ZNF33A: variants seen among roughly 807,000 people sequenced by gnomAD.
ZNF33A encodes the protein brain my041 protein.
ZNF33A carries 9 observed loss-of-function variants against 15.9 expected under a neutral mutation model. The ratio of observed to expected loss-of-function variants is 0.57; its 90% CI spans 0.34 to 0.99. The LOEUF is 0.99. ZNF33A is among the 50% of genes least tolerant of loss of function. The pLI is 0.02. For synonymous variants in ZNF33A, 294 were observed against 324.2 expected, an observed-to-expected ratio of 0.91 and a Z score of 1.00; for missense variants, 843 against 941.6, an observed-to-expected ratio of 0.90 and a Z score of 1.37.
At chr10:38,041,491 T>C (rs1361512750) in intron 4 of ZNF33A, among the ~76,000 whole-genome samples, 4 of 152,056 alleles carry the variant, frequency 2.6e-5, no homozygotes, top group Non-Finnish European at 5.9e-5. Flanking sequence ...ACAGAAACAT[T>C]ACTTATATGT....
chr10:38,030,916 C>G (rs1291244461), intron 4 of ZNF33A, among the ~76,000 whole-genome samples: 2 of 152,136 alleles, frequency 1.3e-5, no homozygotes, highest in Non-Finnish European at 2.9e-5. Flanking sequence ...ATTTGGATAA[C>G]ACTTTTGAAA....
chr10:38,045,865 C>T (rs1379163940), intron 4 of ZNF33A, among the ~76,000 whole-genome samples: 1 of 152,172 alleles, frequency 6.6e-6, no homozygotes, highest in South Asian at 2.1e-4. Flanking sequence ...AACTCTCTGT[C>T]CTTACAGCTG....
At chr10:38,021,886 T>C (rs117212818) in intron 4 of ZNF33A, among the ~76,000 whole-genome samples, 9,116 of 152,210 alleles carry the variant, frequency 0.06, 352 homozygotes, top group Middle Eastern at 0.095. Context: ...GACTTCTAAA[T>C]AAAGTCTGGA....
At chr10:38,035,755 A>G (rs1338903972) in intron 4 of ZNF33A, among the ~76,000 whole-genome samples, 1 of 152,220 alleles carries the variant, frequency 6.6e-6, no homozygotes, top group Non-Finnish European at 1.5e-5. Context: ...ACCAAGAGTT[A>G]CACAGAAGAA....
chr10:38,014,069 G>C (rs2064332233), intron 2 of ZNF33A, among the ~76,000 whole-genome samples: 1 of 113,828 alleles, frequency 8.8e-6, no homozygotes, highest in Admixed American at 1.0e-4. Context: ...TTTTTGGAGA[G>C]AGTCTCACTG....
intron 2 of ZNF33A, chr10:38,015,951 T>C (rs2064433268): frequency 3.3e-6 from 4 of 1,225,890 alleles, no homozygotes; most frequent in Non-Finnish European, 4.1e-6. Flanking sequence ...CATCTTTGGC[T>C]CTCCCATTTT....
chr10:38,012,886 G>GAT (rs1329110278), intron 2 of ZNF33A, among the ~76,000 whole-genome samples: 4 of 152,172 alleles, frequency 2.6e-5, no homozygotes, highest in African/African-American at 9.7e-5. Context: ...CAGAAAGGAA[G>GAT]ACACTGGATA....
chr10:38,027,782 T>A (rs2065047664), intron 4 of ZNF33A, among the ~76,000 whole-genome samples: 1 of 152,178 alleles, frequency 6.6e-6, no homozygotes, highest in Admixed American at 6.6e-5. Flanking sequence ...GAACGACCCT[T>A]TATTCATATA....
downstream of ZNF33A, among the ~76,000 whole-genome samples, chr10:38,066,033 C>T (rs2066707121): frequency 6.6e-6 from 1 of 152,114 alleles, no homozygotes; most frequent in Non-Finnish European, 1.5e-5. Flanking sequence ...AGCACTCTGA[C>T]ACCTGGACTG....
chr10:38,013,692 CG>C (rs1257481726), intron 2 of ZNF33A, among the ~76,000 whole-genome samples: 1 of 152,012 alleles, frequency 6.6e-6, no homozygotes, highest in Non-Finnish European at 1.5e-5. Context: ...CTCCTGACCT[CG>C]TGATCCCCCA....
chr10:38,011,657 A>G (rs1445041732), intron 1 of ZNF33A, among the ~76,000 whole-genome samples: 1 of 152,074 alleles, frequency 6.6e-6, no homozygotes, highest in Non-Finnish European at 1.5e-5. Context: ...TTTGTTTGTT[A>G]AGGTCACTGA....
upstream of ZNF33A, chr10:38,010,531 C>A (rs1199554303): frequency 2.9e-6 from 2 of 692,950 alleles, no homozygotes; most frequent in Non-Finnish European, 5.2e-6. Context: ...CCGCATCTGC[C>A]CACTGCCTAG....
In ZNF33A at chr10:38,010,689, TTTTG is replaced by T. The variant is rs773095847; in HGVS notation, c.-135_-132del. 41 of 1,596,126 alleles carry T rather than the reference TTTTG, an allele frequency of 2.6e-5. No homozygotes were observed. Among genetic ancestry groups the T allele is most frequent in the Middle Eastern group, 1.6e-4 (1 of 6,072 alleles). On this transcript the variant is annotated 5_prime_UTR_variant, in exon 1 of 5. Transcript: ENST00000432900. ...GCTACGTCTGCGTTTCCGCCTTTCC[TTTTG>T]TTTTTCTCAGGTTTTGCGTGGGAGG...
chr10:38,036,760 A>C (rs1163557123), intron 4 of ZNF33A, among the ~76,000 whole-genome samples: 1 of 152,218 alleles, frequency 6.6e-6, no homozygotes, highest in Non-Finnish European at 1.5e-5. Context: ...ACAACAAAAT[A>C]AGAGGCATAC....
intron 4 of ZNF33A, among the ~76,000 whole-genome samples, chr10:38,052,641 C>T (rs2066257695): frequency 6.6e-6 from 1 of 152,092 alleles, no homozygotes; most frequent in South Asian, 2.1e-4. Context: ...AACTTGTCTA[C>T]TTTAGTTACT....
At position 38,016,946 on chromosome 10, in the gene ZNF33A, C is replaced by G; in HGVS notation, c.85C>G (p.Leu29Val). The G allele has an allele frequency of 6.2e-7, 1 of 1,613,998 alleles. No homozygotes were observed. Among genetic ancestry groups the G allele is most frequent in the Non-Finnish European group, 8.5e-7 (1 of 1,179,998 alleles). Residue 29 changes from leucine (L) to valine (V), a missense_variant, in exon 3 of 5, where the codon CTG (leucine) becomes GTG (valine). Transcript: ENST00000432900. ...CTTCACCCAGGAGGAGTGGCAGCAC[C>G]TGGACCCTAGTCAGAGGGCTCTGTA... is the stretch of plus-strand genomic sequence containing the variant. ...VGFTQEEWQH[L>V]DPSQRALYRD...
intron 4 of ZNF33A, among the ~76,000 whole-genome samples, chr10:38,052,476 C>A (rs760106003): frequency 2.0e-5 from 3 of 152,132 alleles, no homozygotes; most frequent in Non-Finnish European, 4.4e-5. Context: ...ACAAGTGGAA[C>A]TCCCTGCTTA....
downstream of ZNF33A, among the ~76,000 whole-genome samples, chr10:38,065,748 A>G (rs1477383506): frequency 7.0e-6 from 1 of 143,380 alleles, no homozygotes; most frequent in Non-Finnish European, 1.5e-5. Context: ...TTTTGCTCTT[A>G]TGCCCAGGCT....
chr10:38,035,717 A>G (rs1236304159), intron 4 of ZNF33A, among the ~76,000 whole-genome samples: 6 of 152,162 alleles, frequency 3.9e-5, no homozygotes, highest in Admixed American at 6.6e-5. Context: ...CTTCGGTGCA[A>G]TGGGTAATTC....
Sources: gnomAD v4.1 joint callset for allele counts (sites outside exome capture counted in the v4.1 genomes callset) on GRCh38, gnomAD v4.1.1 for gene constraint, MANE v1.5 for transcripts, NCBI Gene and HGNC (gene_info 2026-07-23, HGNC 2026-07-21) for gene names.